Variants in SCFD1 observed in about 807,000 individuals in gnomAD.
SCFD1 encodes the protein sec1 family domain containing 1.
SCFD1 carries 37 observed loss-of-function variants against 103.2 expected under a neutral mutation model. The observed-to-expected ratio is 0.36, with a 90% CI of 0.28 to 0.47. The LOEUF is 0.47. Among genes scored for constraint, SCFD1 ranks in the 20% least tolerant of loss-of-function variants. The probability of loss-of-function intolerance (pLI) is 1.00; values close to 1 mark genes in which losing one functional copy is unlikely to be tolerated. For missense variants in SCFD1, 639 were observed against 761.2 expected, an observed-to-expected ratio of 0.84 and a Z score of 1.89; for synonymous variants, 264 against 245.0, an observed-to-expected ratio of 1.08 and a Z score of -0.73.
chr14:30,683,167 CT>C, intron 14 of SCFD1: 1 of 1,112,512 alleles, frequency 9.0e-7, no homozygotes, highest in Non-Finnish European at 1.3e-6. Context: ...TTGGGTTCTC[CT>C]AGTAGGCTGG....
In SCFD1 at chr14:30,705,846, C is replaced by T. The variant is rs141418325; in HGVS notation, c.1514C>T (p.Ala505Val). 3.7e-6 allele frequency: 6 copies of T among 1,613,762 alleles called. No homozygotes were observed. The Middle Eastern group carries it at 4.9e-4, about 133-fold the overall frequency. The change falls in exon 18 of 25, where the codon GCT (alanine) becomes GTT (valine). Residue 505 changes from alanine (A) to valine (V), a missense_variant. By Grantham distance (64) the Ala-to-Val change is moderately conservative. Coordinates refer to ENST00000458591, the MANE Select transcript of SCFD1 (RefSeq NM_016106.4). ...QWKAFTKMAS[A>V]PASYGSTTTK... ...AGGGCTTTTACCAAGATGGCCTCAG[C>T]TCCGGCCAGCTATGGCAGCACTACC... is the stretch of plus-strand genomic sequence containing the variant.
At chr14:30,651,803 A>G (rs1357293025) in intron 9 of SCFD1, among the ~76,000 whole-genome samples, 1 of 152,170 alleles carries the variant, frequency 6.6e-6, no homozygotes, top group East Asian at 1.9e-4. Flanking sequence ...TGTTAAATAC[A>G]TTTGAATCCA....
chr14:30,728,995 C>A (rs1039835272), intron 23 of SCFD1, among the ~76,000 whole-genome samples: 1 of 152,116 alleles, frequency 6.6e-6, no homozygotes, highest in Non-Finnish European at 1.5e-5. Context: ...CAGGTGCACA[C>A]CACCATCATC....
intron 18 of SCFD1, chr14:30,707,721 T>G (rs549147339): frequency 2.4e-6 from 1 of 424,168 alleles, no homozygotes; most frequent in East Asian, 5.6e-5. Context: ...ATTAAGATGT[T>G]TATTTTGAGG....
chr14:30,729,111 G>C (rs2139435551), intron 23 of SCFD1, among the ~76,000 whole-genome samples: 1 of 152,172 alleles, frequency 6.6e-6, no homozygotes, highest in South Asian at 2.1e-4. Flanking sequence ...TTTTATGATT[G>C]AGTTGTAAGA....
chr14:30,630,930 G>T (rs1231084181), intron 3 of SCFD1: 2 of 179,436 alleles, frequency 1.1e-5, no homozygotes, highest in Non-Finnish European at 2.3e-5. Flanking sequence ...TTGAAATTTT[G>T]TAAGTCAAAA....
At chr14:30,628,331 G>C (rs757545829) in intron 2 of SCFD1, 52 bp downstream of exon 2, 1 of 1,171,088 alleles carries the variant, frequency 8.5e-7, no homozygotes, top group South Asian at 1.3e-5. Context: ...AGCCCTTATT[G>C]GTGGTAATTG....
chr14:30,623,693 A>G (rs1198042567), intron 1 of SCFD1, among the ~76,000 whole-genome samples: 2 of 152,228 alleles, frequency 1.3e-5, no homozygotes, highest in East Asian at 1.9e-4. Context: ...GTATGCAGAA[A>G]TTTTGTAGAT....
chr14:30,658,610 C>G (rs999518147), intron 10 of SCFD1, among the ~76,000 whole-genome samples: 2 of 152,120 alleles, frequency 1.3e-5, no homozygotes, highest in African/African-American at 4.8e-5. Flanking sequence ...CCAGACTGCT[C>G]TAGAATTCCT....
chr14:30,625,127 A>G (rs752219047), intron 1 of SCFD1, among the ~76,000 whole-genome samples: 6 of 152,086 alleles, frequency 3.9e-5, no homozygotes, highest in Non-Finnish European at 8.8e-5. Context: ...AATGAAAGCT[A>G]CTTGAGGACA....
intron 21 of SCFD1, among the ~76,000 whole-genome samples, chr14:30,720,090 T>C (rs1892552015): frequency 6.6e-6 from 1 of 152,206 alleles, no homozygotes; most frequent in African/African-American, 2.4e-5. Context: ...TTACATTTGC[T>C]GTATCCCAAG....
At chr14:30,722,067 T>C in intron 22 of SCFD1, 150 bp downstream of exon 22, 1 of 569,308 alleles carries the variant, frequency 1.8e-6, no homozygotes. Context: ...ATAAAGCTGC[T>C]TATATTTATA....
intron 18 of SCFD1, among the ~76,000 whole-genome samples, chr14:30,706,579 C>T (rs1891484154): frequency 6.6e-6 from 1 of 152,024 alleles, no homozygotes; most frequent in African/African-American, 2.4e-5. Flanking sequence ...TGAAGCTAGG[C>T]CTGGCTTCAG....
intron 3 of SCFD1, among the ~76,000 whole-genome samples, chr14:30,632,902 T>C (rs1033102883): frequency 2.6e-5 from 4 of 152,194 alleles, no homozygotes. Context: ...AGTCTCGTAA[T>C]CTCTGCCTAA....
chr14:30,722,418 T>A (rs1463715834), intron 22 of SCFD1, 76 bp from the exon 23 acceptor site: 4 of 1,099,392 alleles, frequency 3.6e-6, no homozygotes, highest in East Asian at 2.4e-5. Context: ...TTGGCTAGCA[T>A]TTTTTAACCT....
At chr14:30,643,170 C>T (rs1411895461) in intron 6 of SCFD1, 146 bp from the exon 7 acceptor site, 3 of 672,712 alleles carry the variant, frequency 4.5e-6, no homozygotes, top group East Asian at 2.7e-5. Flanking sequence ...AAGATCCTGT[C>T]TGAAAAAAAA....
chr14:30,627,745 GAA>G (rs11312585), intron 1 of SCFD1, among the ~76,000 whole-genome samples: 26 of 79,474 alleles, frequency 3.3e-4, no homozygotes, highest in East Asian at 8.2e-4. Flanking sequence ...CTCTGTCTCA[GAA>G]AAAAAAAAAA....
chr14:30,716,013 G>T (rs367967259), intron 20 of SCFD1, 36 bp downstream of exon 20: 28 of 1,221,918 alleles, frequency 2.3e-5, no homozygotes, highest in Non-Finnish European at 3.0e-5. Context: ...GTAAATTCCC[G>T]AATGTGTCAA....
chr14:30,667,510 C>G (rs546402320), intron 10 of SCFD1, among the ~76,000 whole-genome samples: 3 of 152,196 alleles, frequency 2.0e-5, no homozygotes, highest in Non-Finnish European at 2.9e-5. Flanking sequence ...CAGGGATGCC[C>G]TCTCTCACCA....
Sources: allele counts gnomAD v4.1 joint callset (sites outside exome capture counted in the v4.1 genomes callset), GRCh38; gene constraint gnomAD v4.1.1; transcripts MANE v1.5; gene names NCBI Gene and HGNC (gene_info 2026-07-23, HGNC 2026-07-21).